Variants in TMEM143 observed in about 807,000 individuals in gnomAD.
The protein encoded by TMEM143 is transmembrane protein 143.
A neutral mutation model predicts 40.3 loss-of-function variants in TMEM143; 45 were observed. The observed-to-expected ratio is 1.12, with a 90% CI of 0.88 to 1.43. The LOEUF (loss-of-function observed/expected upper bound fraction) is 1.43. TMEM143 is among the 40% of genes most tolerant of loss of function. The probability of loss-of-function intolerance (pLI) is 0.00; values close to 1 mark genes in which losing one functional copy is unlikely to be tolerated. For synonymous variants in TMEM143, 299 were observed against 282.7 expected, an observed-to-expected ratio of 1.06 and a Z score of -0.58; for missense variants, 620 against 613.4, an observed-to-expected ratio of 1.01 and a Z score of -0.11.
At chr19:48,341,315 G>T (rs1969481557) in intron 6 of TMEM143, among the ~76,000 whole-genome samples, 1 of 152,190 alleles carries the variant, frequency 6.6e-6, no homozygotes, top group African/African-American at 2.4e-5. Context: ...TCCTTGGATG[G>T]TGAACAACCT....
intron 3 of TMEM143, among the ~76,000 whole-genome samples, chr19:48,350,230 C>G (rs899302876): frequency 5.3e-5 from 8 of 151,372 alleles, no homozygotes; most frequent in Admixed American, 5.3e-4. Context: ...CCAGGCTGGT[C>G]TCGAACTCCT....
intron 6 of TMEM143, among the ~76,000 whole-genome samples, chr19:48,334,509 TTTTCTTTCTTTCTC>T (rs1337669221): frequency 4.9e-5 from 7 of 142,522 alleles, no homozygotes; most frequent in African/African-American, 1.8e-4. Context: ...TCTTTCTTTC[TTTTCTTTCTTTCTC>T]TTTCTTTCTT....
At chr19:48,345,103 G>T in intron 4 of TMEM143, 57 bp downstream of exon 4, 1 of 1,575,124 alleles carries the variant, frequency 6.3e-7, no homozygotes, top group South Asian at 1.1e-5. Context: ...CCTCTCAGAG[G>T]CTCTGCCCCA....
intron 6 of TMEM143, among the ~76,000 whole-genome samples, chr19:48,340,596 C>A (rs1969467121): frequency 6.6e-6 from 1 of 152,042 alleles, no homozygotes; most frequent in Non-Finnish European, 1.5e-5. Flanking sequence ...TCTTTCAGAG[C>A]CTGACAGGCT....
chr19:48,334,478 CTT>C (rs776760857), intron 6 of TMEM143, among the ~76,000 whole-genome samples: 4 of 38,206 alleles, frequency 1.0e-4, no homozygotes, highest in South Asian at 8.0e-4. Context: ...TTCTTTCTTT[CTT>C]TTTCTTTCTT....
rs545067173 is a variant in TMEM143, at chr19:48,345,244, C to A, written c.480G>T (p.Leu160=). The change falls in exon 4 of 8, where the codon CTG becomes CTT. Residue 160 remains leucine, a synonymous_variant. Coordinates refer to ENST00000293261, the MANE Select transcript of TMEM143 (RefSeq NM_018273.4). ...EQEVLRALEP[L]LAQANFSPLS... is the part of the protein sequence containing the mutation. ...GCGGGGAGAAGTTGGCCTGGGCCAG[C>A]AGGGGCTCCAGAGCCCGAAGCACCT... 6.2e-7 allele frequency: 1 copy of A among 1,613,262 alleles called. No individual in the cohort carries two copies. Among genetic ancestry groups the A allele is most frequent in the Admixed American group, 1.7e-5 (1 of 59,918 alleles).
rs376119649 is a variant in TMEM143, at chr19:48,360,064, G to A, written c.369+8C>T. On this transcript the variant is annotated splice_region_variant and intron_variant, in intron 3 of 7. Transcript: ENST00000293261. ...AGCACCACAGGGCTGGAAGGGCCCCGTCCTCACCTGCAGCCGGGCCAGGAT... is the reference window on the plus strand; with the variant it reads ...AGCACCACAGGGCTGGAAGGGCCCCATCCTCACCTGCAGCCGGGCCAGGAT... 80 of 1,613,510 alleles carry A rather than the reference G, an allele frequency of 5.0e-5. 1 individual carries two copies. The highest frequency in any genetic ancestry group is 1.7e-4 in the Admixed American group (10 of 59,978).
chr19:48,352,246 C>CAAAAAAAAAAA (rs1231759805), intron 3 of TMEM143, among the ~76,000 whole-genome samples: 4,646 of 41,202 alleles, frequency 0.11, 1,334 homozygotes, highest in East Asian at 0.18. Flanking sequence ...GACTCTGTCT[C>CAAAAAAAAAAA]AAAAAAAAAA....
chr19:48,345,177 G>A lies in TMEM143; in HGVS notation c.547C>T (p.Pro183Ser). 1 of 1,613,408 alleles carries A rather than the reference G, an allele frequency of 6.2e-7. No homozygotes were observed. ...CCAAGTACCTGGACCTCATCCTGAG[G>A]GTGGTGGACCACCAGCGCGTAGGCC... ...TLAYALVVHH[P>S]QDEVQVTVNL... Residue 183 changes from proline to serine, a missense_variant, in exon 4 of 8, where the codon CCT (proline) becomes TCT (serine). Pro to Ser is a moderately conservative substitution (Grantham distance 74, BLOSUM62 -1). Transcript: ENST00000293261.
At chr19:48,337,324 G>A (rs1335395688) in intron 6 of TMEM143, among the ~76,000 whole-genome samples, 3 of 151,992 alleles carry the variant, frequency 2.0e-5, no homozygotes, top group Non-Finnish European at 4.4e-5. Flanking sequence ...CGAGGCGGGC[G>A]GATCACGAGG....
Position 48,333,872 on chromosome 19 carries a change from G to C in TMEM143, c.1165+136C>G. ...ATCGGAGTCTGGATTCGGAGGTCCT[G>C]TCTGCTGAGGGCCGGGGTCTCTTCG... On this transcript the variant is annotated intron_variant, in intron 7 of 7. Transcript: ENST00000293261. The surrounding 1 kb of genome is among the most constrained non-coding windows in gnomAD (Gnocchi z 4.1). 1 of 935,844 alleles carries C rather than the reference G, an allele frequency of 1.1e-6. No individual in the cohort carries two copies. The highest frequency in any genetic ancestry group is 1.5e-6 in the Non-Finnish European group (1 of 645,330). The allele number at this position is 935,844 out of a possible 1,614,324, so 58.0% of individuals were successfully genotyped here. A position where few individuals can be genotyped will look rare whatever the true frequency, so the allele number is the denominator to read the frequency against.
At chr19:48,346,588 A>AT (rs1250580072) in intron 3 of TMEM143, among the ~76,000 whole-genome samples, 1 of 151,234 alleles carries the variant, frequency 6.6e-6, no homozygotes, top group Non-Finnish European at 1.5e-5. Flanking sequence ...TTATTTATTT[A>AT]TTTTTTTGAG....
intron 6 of TMEM143, among the ~76,000 whole-genome samples, chr19:48,341,974 T>A (rs186409898): frequency 3.4e-4 from 51 of 150,008 alleles, no homozygotes; most frequent in South Asian, 2.8e-3. Flanking sequence ...ATGAGAAAAC[T>A]GAGGCTCAGA....
At chr19:48,363,706 G>T (rs2147394957) in intron 1 of TMEM143, 175 bp from the exon 2 acceptor site, 18 of 1,360,802 alleles carry the variant, frequency 1.3e-5, no homozygotes, top group Non-Finnish European at 1.7e-5. Flanking sequence ...GTTGGCCTGG[G>T]TCCCAGACAG....
At chr19:48,361,338 C>T (rs1970036007) in intron 2 of TMEM143, among the ~76,000 whole-genome samples, 1 of 151,920 alleles carries the variant, frequency 6.6e-6, no homozygotes, top group African/African-American at 2.4e-5. Context: ...CTGCCTCAGC[C>T]TTCTAAGTAA....
At chr19:48,346,307 G>A (rs1234596633) in intron 3 of TMEM143, among the ~76,000 whole-genome samples, 1 of 151,136 alleles carries the variant, frequency 6.6e-6, no homozygotes, top group East Asian at 2.0e-4. Flanking sequence ...GGCCAGGCTG[G>A]ACTCGAATTC....
chr19:48,353,261 C>T (rs943729594), intron 3 of TMEM143, among the ~76,000 whole-genome samples: 12 of 151,032 alleles, frequency 7.9e-5, no homozygotes, highest in Admixed American at 5.3e-4. Context: ...CTCACTGCAA[C>T]CTCTGCCTCC....
chr19:48,360,536 C>T, intron 2 of TMEM143: 1 of 242,120 alleles, frequency 4.1e-6, no homozygotes, highest in Non-Finnish European at 8.0e-6. Flanking sequence ...CGAGATCGTG[C>T]CACTGCCCTC....
At chr19:48,347,269 A>G (rs1055833200) in intron 3 of TMEM143, among the ~76,000 whole-genome samples, 3 of 152,170 alleles carry the variant, frequency 2.0e-5, no homozygotes, top group African/African-American at 4.8e-5. Flanking sequence ...CAGGGGTCCT[A>G]TGAAGCAGCT....
Sources: allele counts gnomAD v4.1 joint callset (sites outside exome capture counted in the v4.1 genomes callset), GRCh38; gene constraint gnomAD v4.1.1; non-coding constraint Gnocchi (gnomAD v3.1); transcripts MANE v1.5; gene names NCBI Gene and HGNC (gene_info 2026-07-23, HGNC 2026-07-21).